Variants in PDE8B observed in about 807,000 individuals in gnomAD.
The protein encoded by PDE8B is phosphodiesterase 8B.
A neutral mutation model predicts 101.3 loss-of-function variants in PDE8B; 26 were observed. The ratio of observed to expected loss-of-function variants is 0.26; its 90% confidence interval spans 0.19 to 0.36. The LOEUF (loss-of-function observed/expected upper bound fraction) is 0.36, where lower values mean the gene tolerates loss of function less well. PDE8B is among the 10% of genes least tolerant of loss of function. The pLI, the probability that PDE8B is intolerant of heterozygous loss-of-function variation, is 1.00. For missense variants in PDE8B, 810 were observed against 1,163.1 expected (o/e 0.70, Z 4.42); for synonymous variants, 424 against 429.3 (o/e 0.99, Z 0.15).
At chr5:77,090,509 G>A in the PDE8B span, among the ~76,000 whole-genome samples, 1 of 152,158 alleles carries the variant, frequency 6.6e-6, no homozygotes, top group Non-Finnish European at 1.5e-5. Context: ...TCCTGACCTT[G>A]TGATACACCC....
chr5:77,130,910 G>A, the PDE8B span, among the ~76,000 whole-genome samples: 2 of 152,338 alleles, frequency 1.3e-5, no homozygotes, highest in South Asian at 4.1e-4. Context: ...GAGAGATTAA[G>A]TAGCTTGCTC....
At chr5:77,348,450 G>C (rs1238344339) in intron 7 of PDE8B, among the ~76,000 whole-genome samples, 3 of 152,098 alleles carry the variant, frequency 2.0e-5, no homozygotes, top group African/African-American at 4.8e-5. Context: ...GAGTCTGCTG[G>C]CCCCAGAATC....
At chr5:77,095,467 C>T in the PDE8B span, among the ~76,000 whole-genome samples, 2 of 152,198 alleles carry the variant, frequency 1.3e-5, no homozygotes, top group East Asian at 1.9e-4. Context: ...CTCTTCTGCA[C>T]AGCTGATCTG....
the PDE8B span, among the ~76,000 whole-genome samples, chr5:77,150,075 T>G: frequency 1.3e-5 from 2 of 152,212 alleles, no homozygotes; most frequent in Non-Finnish European, 2.9e-5. Flanking sequence ...AGCCACATCC[T>G]CCAGCCACCA....
At chr5:77,390,164 G>T (rs1425242872) in intron 10 of PDE8B, among the ~76,000 whole-genome samples, 3 of 152,154 alleles carry the variant, frequency 2.0e-5, no homozygotes, top group Non-Finnish European at 4.4e-5. Context: ...AGAGACAAAT[G>T]ACCCTGAAAT....
chr5:77,365,869 G>C (rs1784030833), intron 10 of PDE8B, among the ~76,000 whole-genome samples: 1 of 152,216 alleles, frequency 6.6e-6, no homozygotes, highest in Non-Finnish European at 1.5e-5. Context: ...CTTCCGTAGG[G>C]GTAGATGATG....
At chr5:77,258,243 T>G (rs1759608962) in intron 1 of PDE8B, among the ~76,000 whole-genome samples, 1 of 141,824 alleles carries the variant, frequency 7.1e-6, no homozygotes, top group African/African-American at 2.7e-5. Context: ...GAGCCGAGAT[T>G]GCATCACTGC....
rs74634367 is a variant in PDE8B at position 77,398,197 on chromosome 5, T to C, written c.1168-2051T>C. Among the ~76,000 whole-genome samples the C allele has an allele frequency of 4.1e-3, 622 of 151,844 alleles. 2 individuals carry two copies. The highest frequency in any genetic ancestry group is 0.014 in the African/African-American group (579 of 41,378). On this transcript the variant is annotated intron_variant, in intron 10 of 21. Coordinates refer to ENST00000264917, the MANE Select transcript of PDE8B (RefSeq NM_003719.5). ...AGTTTTACAGAGAGTGCAGAGGCCT[T>C]AATACATATGTAAACATATACAGCC...
chr5:77,101,031 A>G, the PDE8B span, among the ~76,000 whole-genome samples: 1 of 140,190 alleles, frequency 7.1e-6, no homozygotes, highest in Admixed American at 7.4e-5. Flanking sequence ...GTGCCATGGC[A>G]TAATCATAGC....
At chr5:77,380,886 T>TC (rs1787322232) in intron 10 of PDE8B, among the ~76,000 whole-genome samples, 1 of 152,206 alleles carries the variant, frequency 6.6e-6, no homozygotes, top group Middle Eastern at 3.4e-3. Flanking sequence ...CCCTTGGAAA[T>TC]CGTGTTTGAG....
At chr5:77,389,759 G>T (rs1789514959) in intron 10 of PDE8B, among the ~76,000 whole-genome samples, 1 of 152,066 alleles carries the variant, frequency 6.6e-6, no homozygotes, top group South Asian at 2.1e-4. Context: ...ATGTTTTTGA[G>T]GTTCATCTTC....
At chr5:77,405,878 T>G (rs1228476235) in intron 12 of PDE8B, among the ~76,000 whole-genome samples, 2 of 152,098 alleles carry the variant, frequency 1.3e-5, no homozygotes, top group Non-Finnish European at 2.9e-5. Flanking sequence ...GAGGGGATGG[T>G]TAGTGCCTGT....
At chr5:77,101,064 G>A in the PDE8B span, among the ~76,000 whole-genome samples, 183 of 148,860 alleles carry the variant, frequency 1.2e-3, 1 homozygote, top group African/African-American at 4.3e-3. Context: ...CATCCTCCTG[G>A]GCTCAAGTGA....
At chr5:77,345,812 T>C (rs1025570990) in intron 7 of PDE8B, among the ~76,000 whole-genome samples, 1 of 152,156 alleles carries the variant, frequency 6.6e-6, no homozygotes, top group East Asian at 1.9e-4. Context: ...GAGGAGCACT[T>C]ATCAGTAGGG....
the PDE8B span, among the ~76,000 whole-genome samples, chr5:77,203,740 G>T: frequency 1.3e-5 from 2 of 152,146 alleles, no homozygotes; most frequent in Non-Finnish European, 2.9e-5. Context: ...AATAGGGACT[G>T]TTTCTGTCTT....
chr5:77,393,612 C>T (rs1037661936), intron 10 of PDE8B, among the ~76,000 whole-genome samples: 4 of 152,174 alleles, frequency 2.6e-5, no homozygotes, highest in Non-Finnish European at 4.4e-5. Context: ...TAATTATTTG[C>T]TTAAAGTGTA....
intron 1 of PDE8B, among the ~76,000 whole-genome samples, chr5:77,270,958 T>A (rs1762653645): frequency 6.7e-6 from 1 of 149,658 alleles, no homozygotes; most frequent in Admixed American, 6.7e-5. Context: ...CCCCTCATTG[T>A]TCACTCAGGA....
chr5:77,127,042 C>T, the PDE8B span, among the ~76,000 whole-genome samples: 2 of 152,126 alleles, frequency 1.3e-5, no homozygotes, highest in Admixed American at 1.3e-4. Context: ...AGGGTGCTCC[C>T]AGGTCAATAA....
At chr5:77,111,451 A>G in the PDE8B span, among the ~76,000 whole-genome samples, 3 of 152,182 alleles carry the variant, frequency 2.0e-5, no homozygotes, top group Admixed American at 6.6e-5. Context: ...GAGGTGAGGT[A>G]TTTTCAAGTA....
Sources: allele counts gnomAD v4.1 joint callset (sites outside exome capture counted in the v4.1 genomes callset), GRCh38; gene constraint gnomAD v4.1.1; transcripts MANE v1.5; gene names NCBI Gene and HGNC (gene_info 2026-07-23, HGNC 2026-07-21).